The following FER1L6 variants were observed in gnomAD, a reference collection of about 807,000 sequenced individuals.
FER1L6 encodes the protein fer-1-like protein 6.
A neutral mutation model predicts 219.2 loss-of-function variants in FER1L6; 177 were observed. The ratio of observed to expected loss-of-function variants is 0.81; its 90% CI spans 0.71 to 0.91. The LOEUF is 0.91. FER1L6 is among the 40% of genes least tolerant of loss of function. The pLI is 0.00. For missense variants in FER1L6, 2,153 were observed against 2,259.9 expected, an observed-to-expected ratio of 0.95 and a Z score of 0.96; for synonymous variants, 768 against 824.3, an observed-to-expected ratio of 0.93 and a Z score of 1.17.
chr8:124,082,247 C>T (rs774855396), intron 32 of FER1L6, 41 bp from the exon 33 acceptor site: 1 of 1,564,508 alleles, frequency 6.4e-7, no homozygotes, highest in Non-Finnish European at 8.7e-7. Flanking sequence ...CCTGTGTCAC[C>T]AAATGTTAAC....
intron 12 of FER1L6, among the ~76,000 whole-genome samples, chr8:123,991,389 T>A (rs1816846054): frequency 6.6e-6 from 1 of 152,164 alleles, no homozygotes; most frequent in Admixed American, 6.5e-5. Flanking sequence ...TTCAGCAGTG[T>A]TTTGTAGTTC....
chr8:124,058,009 G>A (rs1820386500), intron 22 of FER1L6, among the ~76,000 whole-genome samples: 1 of 152,060 alleles, frequency 6.6e-6, no homozygotes, highest in Non-Finnish European at 1.5e-5. Flanking sequence ...TTATCTCTGT[G>A]CATGCCATAT....
chr8:124,103,165 C>G lies in FER1L6; in HGVS notation c.5145C>G (p.Leu1715=), dbSNP rs1164300069. 1 of 1,614,082 alleles carries G rather than the reference C, an allele frequency of 6.2e-7. No individual in the cohort carries two copies. Among genetic ancestry groups the G allele is most frequent in the Non-Finnish European group, 8.5e-7 (1 of 1,179,976 alleles). The change falls in exon 39 of 41, where the codon CTC becomes CTG. Residue 1715 remains leucine, a synonymous_variant. Coordinates refer to ENST00000522917, the MANE Select transcript of FER1L6 (RefSeq NM_001039112.2). ...DDFLGTLEMN[L]NSFPRAAKSA... ...CCACAGGCACCCTGGAAATGAACCT[C>G]AACAGTTTCCCTCGAGCAGCTAAGT... is the stretch of plus-strand genomic sequence containing the variant.
intron 25 of FER1L6, 25 bp from the exon 26 acceptor site, chr8:124,064,322 C>T: frequency 6.2e-7 from 1 of 1,601,356 alleles, no homozygotes; most frequent in Non-Finnish European, 8.6e-7. Context: ...GCCCAGCTCC[C>T]TGACCTGATG....
chr8:123,968,386 T>C (rs1815653228), intron 5 of FER1L6, among the ~76,000 whole-genome samples: 1 of 152,168 alleles, frequency 6.6e-6, no homozygotes, highest in Non-Finnish European at 1.5e-5. Flanking sequence ...AAGCCTAAAG[T>C]TCATCAGATG....
At chr8:123,910,481 G>A (rs1293487747) in intron 1 of FER1L6, among the ~76,000 whole-genome samples, 1 of 152,164 alleles carries the variant, frequency 6.6e-6, no homozygotes, top group Admixed American at 6.5e-5. Context: ...CCCATCCTCT[G>A]TGTGGCCACA....
chr8:123,913,989 G>A (rs1813115418), intron 1 of FER1L6, among the ~76,000 whole-genome samples: 2 of 152,194 alleles, frequency 1.3e-5, no homozygotes, highest in South Asian at 4.1e-4. Flanking sequence ...GCAAAGGTCT[G>A]AATGATTTAT....
intron 14 of FER1L6, among the ~76,000 whole-genome samples, chr8:124,011,146 T>C (rs1218060589): frequency 2.0e-5 from 3 of 152,176 alleles, no homozygotes; most frequent in Non-Finnish European, 4.4e-5. Flanking sequence ...CCTCCCTTAC[T>C]TTGTTCCAAC....
chr8:124,040,108 G>A, intron 20 of FER1L6, 102 bp downstream of exon 20: 1 of 1,450,970 alleles, frequency 6.9e-7, no homozygotes. Context: ...GCAAATACCT[G>A]CATCTTTGGG....
At chr8:124,055,488 C>T (rs1040418996) in intron 22 of FER1L6, among the ~76,000 whole-genome samples, 1 of 152,176 alleles carries the variant, frequency 6.6e-6, no homozygotes, top group African/African-American at 2.4e-5. Flanking sequence ...AGCGATGTCC[C>T]CTTCTGCAAT....
intron 1 of FER1L6, among the ~76,000 whole-genome samples, chr8:123,922,489 T>C (rs1211482363): frequency 2.0e-5 from 3 of 152,194 alleles, no homozygotes; most frequent in Admixed American, 6.5e-5. Context: ...GAGTATTGCC[T>C]GGGCCCGGAC....
intron 1 of FER1L6, among the ~76,000 whole-genome samples, chr8:123,942,198 C>T (rs1814269034): frequency 6.6e-6 from 1 of 152,158 alleles, no homozygotes; most frequent in Non-Finnish European, 1.5e-5. Context: ...AACCTTCTCC[C>T]CAACCCCTCC....
chr8:123,880,169 G>T (rs947827339), intron 1 of FER1L6, among the ~76,000 whole-genome samples: 12 of 151,932 alleles, frequency 7.9e-5, no homozygotes, highest in African/African-American at 2.4e-4. Context: ...CCAACTCCCA[G>T]TTCCCAACTT....
intron 1 of FER1L6, among the ~76,000 whole-genome samples, chr8:123,936,297 C>G (rs1813999853): frequency 1.3e-5 from 2 of 152,152 alleles, no homozygotes; most frequent in African/African-American, 4.8e-5. Context: ...AGGCTAAATC[C>G]TGGGGATGGT....
rs939543121 is a variant in FER1L6 at position 124,066,666 on chromosome 8, C to T, written c.3678+116C>T. The T allele has an allele frequency of 7.7e-6, 9 of 1,166,098 alleles. No individual in the cohort carries two copies. The African/African-American group carries it at 9.3e-5, about 12-fold the overall frequency. The allele number at this position is 1,166,098 out of a possible 1,614,324, so 72.2% of individuals were successfully genotyped here. A position where few individuals can be genotyped will look rare whatever the true frequency, so the allele number is the denominator to read the frequency against. ...AATGCCACTATACATAGACCCTACT[C>T]AGGTGTGGTTCTGTTAACTGCAGAA... On this transcript the variant is annotated intron_variant, in intron 27 of 40. Transcript: ENST00000522917.
rs1486350462 is a variant in FER1L6, at chr8:124,112,334, G to T, written c.5290-6510G>T. Among the ~76,000 whole-genome samples, 3 of 152,160 alleles carry T rather than the reference G, an allele frequency of 2.0e-5. No individual in the cohort carries two copies. In the East Asian group the frequency reaches 5.8e-4, roughly 29 times the overall value. ...CCCAGCAGTATCATTTAGACATTTA[G>T]ATCACACAGCTTCTAGTGTGGAATG... is the stretch of plus-strand genomic sequence containing the variant. On this transcript the variant is annotated intron_variant, in intron 39 of 40. Transcript: ENST00000522917.
chr8:124,003,652 A>G (rs1817523903), intron 13 of FER1L6, among the ~76,000 whole-genome samples: 1 of 151,754 alleles, frequency 6.6e-6, no homozygotes. Context: ...TATTTTTAGT[A>G]GAGATGGAGT....
chr8:123,923,505 C>T (rs927032194), intron 1 of FER1L6, among the ~76,000 whole-genome samples: 4 of 152,054 alleles, frequency 2.6e-5, no homozygotes, highest in Non-Finnish European at 5.9e-5. Context: ...CAGGTACTCC[C>T]GAGTTCTCAG....
chr8:123,991,392 T>C (rs969321388), intron 12 of FER1L6, among the ~76,000 whole-genome samples: 1 of 152,212 alleles, frequency 6.6e-6, no homozygotes, highest in Non-Finnish European at 1.5e-5. Context: ...AGCAGTGTTT[T>C]GTAGTTCTCC....
Sources: gnomAD v4.1 joint callset for allele counts (sites outside exome capture counted in the v4.1 genomes callset) on GRCh38, gnomAD v4.1.1 for gene constraint, MANE v1.5 for transcripts, NCBI Gene and HGNC (gene_info 2026-07-23, HGNC 2026-07-21) for gene names.